ATP13A5: variants seen among roughly 807,000 people sequenced by gnomAD.
The protein encoded by ATP13A5 is ATPase 13A5, also known as probable cation-transporting ATPase 13A5.
ATP13A5 carries 149 observed loss-of-function variants against 150.2 expected under a neutral mutation model. The observed-to-expected ratio is 0.99, with a 90% confidence interval of 0.87 to 1.14. The LOEUF is 1.14. Among genes scored for constraint, ATP13A5 ranks in the 50% most tolerant of loss-of-function variants. ATP13A5 has a pLI of 0.00. For missense variants in ATP13A5, 1,383 were observed against 1,449.3 expected, an observed-to-expected ratio of 0.95 and a Z score of 0.74; for synonymous variants, 497 against 522.2, an observed-to-expected ratio of 0.95 and a Z score of 0.66.
intron 6 of ATP13A5, among the ~76,000 whole-genome samples, chr3:193,353,587 G>A (rs996373684): frequency 8.5e-5 from 13 of 152,276 alleles, no homozygotes; most frequent in Admixed American, 6.5e-4. Context: ...CCCTTGGGAG[G>A]CAATTAGGTT....
intron 1 of ATP13A5, among the ~76,000 whole-genome samples, chr3:193,376,312 T>G (rs1341639792): frequency 6.6e-6 from 1 of 152,208 alleles, no homozygotes; most frequent in Admixed American, 6.5e-5. Flanking sequence ...TTCTGGTGCA[T>G]AGACTGCCAT....
chr3:193,303,128 G>T (rs1194686179), intron 23 of ATP13A5, among the ~76,000 whole-genome samples: 3 of 152,140 alleles, frequency 2.0e-5, no homozygotes, highest in Non-Finnish European at 4.4e-5. Flanking sequence ...ACATCTGGTT[G>T]TCTAGCTTAA....
At chr3:193,351,230 ACTTGCATGAAC>A (rs1315458564) in intron 6 of ATP13A5, 29 bp from the exon 7 acceptor site, 2 of 1,612,914 alleles carry the variant, frequency 1.2e-6, no homozygotes, top group Non-Finnish European at 1.7e-6. Flanking sequence ...CATTTGGGTC[ACTTGCATGAAC>A]CTTAGTAGCA....
intron 23 of ATP13A5, among the ~76,000 whole-genome samples, chr3:193,302,733 A>G (rs1718449748): frequency 1.3e-5 from 2 of 152,230 alleles, no homozygotes; most frequent in East Asian, 3.9e-4. Flanking sequence ...ATGTTTCAAA[A>G]GACAAAGATG....
intron 26 of ATP13A5, among the ~76,000 whole-genome samples, chr3:193,288,115 T>G (rs977178822): frequency 6.6e-6 from 1 of 152,274 alleles, no homozygotes; most frequent in African/African-American, 2.4e-5. Context: ...TTCATATGGA[T>G]GAGCACAGAA....
intron 17 of ATP13A5, among the ~76,000 whole-genome samples, chr3:193,315,485 T>A (rs986106111): frequency 1.3e-5 from 2 of 152,224 alleles, no homozygotes; most frequent in Non-Finnish European, 2.9e-5. Context: ...GCATTCTGCA[T>A]ACATACAAGA....
At chr3:193,363,451 C>G in intron 2 of ATP13A5, 69 bp from the exon 3 acceptor site, 1 of 1,417,164 alleles carries the variant, frequency 7.1e-7, no homozygotes, top group Non-Finnish European at 9.6e-7. Context: ...CAACCAAATA[C>G]CTACCAAGTG....
At chr3:193,344,546 AG>A (rs1169017953) in intron 8 of ATP13A5, among the ~76,000 whole-genome samples, 6 of 152,186 alleles carry the variant, frequency 3.9e-5, no homozygotes, top group African/African-American at 1.4e-4. Flanking sequence ...GCTATCTAAA[AG>A]CCCCATTCAG....
At chr3:193,365,821 T>C (rs1713218665) in intron 1 of ATP13A5, among the ~76,000 whole-genome samples, 1 of 152,066 alleles carries the variant, frequency 6.6e-6, no homozygotes, top group South Asian at 2.1e-4. Context: ...TTCTATACAA[T>C]GTTTTTAAAT....
At chr3:193,338,139 C>T (rs1292143058) in intron 9 of ATP13A5, among the ~76,000 whole-genome samples, 2 of 152,122 alleles carry the variant, frequency 1.3e-5, no homozygotes, top group South Asian at 2.1e-4. Context: ...TGTGCTGAGA[C>T]GATGGGGTTT....
At chr3:193,349,137 C>G (rs1449865954) in intron 7 of ATP13A5, among the ~76,000 whole-genome samples, 1 of 152,212 alleles carries the variant, frequency 6.6e-6, no homozygotes, top group Non-Finnish European at 1.5e-5. Context: ...TGCAAATACA[C>G]AGTTTCAGGA....
rs749684316 is a variant in ATP13A5, at chr3:193,362,480, A to G, written c.456-19T>C. On this transcript the variant is annotated intron_variant, in intron 4 of 29. Coordinates refer to ENST00000342358, the MANE Select transcript of ATP13A5 (RefSeq NM_198505.4). ...TAGCAACCTAGGATGTATTCAGGATAGGAACCACACTTCAGTTCATAGCAC... is the reference window on the plus strand; with the variant it reads ...TAGCAACCTAGGATGTATTCAGGATGGGAACCACACTTCAGTTCATAGCAC... 1.2e-6 allele frequency: 2 copies of G among 1,613,822 alleles called. No homozygotes were observed. The highest frequency in any genetic ancestry group is 2.2e-5 in the South Asian group (2 of 91,080).
intron 17 of ATP13A5, among the ~76,000 whole-genome samples, chr3:193,315,587 C>A (rs1719018316): frequency 6.6e-6 from 1 of 152,118 alleles, no homozygotes; most frequent in South Asian, 2.1e-4. Context: ...GGGCTCTGAA[C>A]AGTTTTCGGA....
intron 23 of ATP13A5, among the ~76,000 whole-genome samples, chr3:193,302,409 C>T (rs1231057287): frequency 1.3e-5 from 2 of 152,104 alleles, no homozygotes; most frequent in Non-Finnish European, 2.9e-5. Context: ...ATCGTTTTCC[C>T]AAGTCTGATA....
chr3:193,322,377 T>C, intron 15 of ATP13A5, 114 bp downstream of exon 15: 1 of 809,988 alleles, frequency 1.2e-6, no homozygotes, highest in South Asian at 1.6e-5. Context: ...AAACCAACCG[T>C]GGAAACTGTT....
intron 12 of ATP13A5, 75 bp downstream of exon 12, chr3:193,331,047 AC>A: frequency 2.1e-6 from 3 of 1,448,386 alleles, no homozygotes; most frequent in Non-Finnish European, 2.8e-6. Context: ...ACTGGACTAG[AC>A]ATTTTCTGAG....
At position 193,331,176 on chromosome 3, in the gene ATP13A5, A is replaced by G; in HGVS notation, c.1408T>C (p.Ser470Pro). ...CCACACATGTTGATTCTCTGTGGGGAGATACAGAAGATTTTCTTTTTCTTC... is the reference window on the plus strand; with the variant it reads ...CCACACATGTTGATTCTCTGTGGGGGGATACAGAAGATTTTCTTTTTCTTC... ...RLKKKKIFCI[S>P]PQRINMCGQI... is the part of the protein sequence containing the mutation. The change falls in exon 12 of 30, where the codon TCC becomes CCC. Residue 470 changes from serine to proline, a missense_variant. Around this residue, in one of 3 missense-constraint regions of ATP13A5, gnomAD observed 787 missense variants for 771.9 expected, o/e 1.02. Coordinates refer to ENST00000342358, the MANE Select transcript of ATP13A5 (RefSeq NM_198505.4). The G allele has an allele frequency of 6.2e-7, 1 of 1,614,042 alleles. No individual in the cohort carries two copies. The highest frequency in any genetic ancestry group is 8.5e-7 in the Non-Finnish European group (1 of 1,179,960).
At chr3:193,338,034 G>A (rs1469354970) in intron 9 of ATP13A5, among the ~76,000 whole-genome samples, 1 of 152,144 alleles carries the variant, frequency 6.6e-6, no homozygotes, top group Non-Finnish European at 1.5e-5. Flanking sequence ...CTCTCTGTTT[G>A]TCTGTTATGG....
At chr3:193,344,091 T>G (rs1011907440) in intron 8 of ATP13A5, 36 bp from the exon 9 acceptor site, 4 of 1,599,296 alleles carry the variant, frequency 2.5e-6, no homozygotes, top group Non-Finnish European at 3.4e-6. Flanking sequence ...ATAGCTGACC[T>G]TTTCCTGTTT....
Sources: allele counts gnomAD v4.1 joint callset (sites outside exome capture counted in the v4.1 genomes callset), GRCh38; gene constraint gnomAD v4.1.1; regional missense constraint gnomAD v4.1.1; transcripts MANE v1.5; gene names NCBI Gene and HGNC (gene_info 2026-07-23, HGNC 2026-07-21).